Variants in TSEN54 observed in about 807,000 individuals in gnomAD.
The protein encoded by TSEN54 is tRNA-splicing endonuclease subunit Sen54.
TSEN54 carries 55 observed loss-of-function variants against 61.9 expected under a neutral mutation model. That is an observed-to-expected ratio of 0.89 (90% CI 0.72 to 1.11). The LOEUF (loss-of-function observed/expected upper bound fraction) is 1.11, where lower values mean the gene tolerates loss of function less well. Among genes scored for constraint, TSEN54 ranks in the 50% most tolerant of loss-of-function variants. The pLI is 0.00. For synonymous variants in TSEN54, 304 were observed against 288.7 expected (o/e 1.05, Z -0.54); for missense variants, 760 against 687.7 (o/e 1.11, Z -1.18).
chr17:75,519,937 G>A (rs920507573), intron 6 of TSEN54, among the ~76,000 whole-genome samples: 1 of 152,190 alleles, frequency 6.6e-6, no homozygotes, highest in Non-Finnish European at 1.5e-5. Flanking sequence ...GTGTACAGTG[G>A]TTCACCTGTG....
At chr17:75,518,157 G>T (rs2053393078) in intron 5 of TSEN54, among the ~76,000 whole-genome samples, 1 of 152,202 alleles carries the variant, frequency 6.6e-6, no homozygotes, top group African/African-American at 2.4e-5. Flanking sequence ...AACTGTGTCA[G>T]ATAAGTTAAT....
At chr17:75,521,290 G>C in intron 6 of TSEN54, 119 bp from the exon 7 acceptor site, 1 of 843,642 alleles carries the variant, frequency 1.2e-6, no homozygotes, top group Non-Finnish European at 2.0e-6. Context: ...CTTAGCACTT[G>C]GGTGTGGCTC....
In TSEN54 at chr17:75,518,434, C is replaced by T. The variant is rs914367887; in HGVS notation, c.469-561C>T. On this transcript the variant is annotated intron_variant, in intron 5 of 10. Coordinates refer to ENST00000333213, the MANE Select transcript of TSEN54 (RefSeq NM_207346.3). Reference sequence around the variant, plus strand: ...GGTGATGCAGGAGAAAAACCAAAGTCGCATCACAGAAGCCAAAAGAAGGTC... The same window carrying T: ...GGTGATGCAGGAGAAAAACCAAAGTTGCATCACAGAAGCCAAAAGAAGGTC... 1.1e-5 allele frequency: 8 copies of T among 750,734 alleles called. No homozygotes were observed. The South Asian group carries it at 2.4e-4, about 23-fold the overall frequency. The allele number at this position is 750,734 out of a possible 1,614,324, so 46.5% of individuals were successfully genotyped here.
chr17:75,521,866 G>T lies in TSEN54; in HGVS notation c.785G>T (p.Gly262Val). ...CCAGGGGGCCCCTTTCAGCTTCTGG[G>T]GTCCCTGGGCCCCAGCCCTGGCCCG... ...KGPGGPFQLL[G>V]SLGPSPGPAR... is the part of the protein sequence containing the mutation. The change falls in exon 8 of 11, where the codon GGG becomes GTG. Residue 262 changes from glycine (G) to valine (V), a missense_variant. Physicochemically the swap from Gly to Val is moderately radical, Grantham distance 109 (BLOSUM62 -3). Around this residue, in one of 3 missense-constraint regions of TSEN54, gnomAD observed 667 missense variants for 577.8 expected, o/e 1.15. Transcript: ENST00000333213. The T allele has an allele frequency of 6.2e-7, 1 of 1,611,450 alleles. No homozygotes were observed.
chr17:75,521,976 GAGC>G lies in TSEN54; in HGVS notation c.898_900del (p.Gln300del). 2 of 1,607,770 alleles carry G rather than the reference GAGC, an allele frequency of 1.2e-6. No homozygotes were observed. The highest frequency in any genetic ancestry group is 1.7e-6 in the Non-Finnish European group (2 of 1,178,000). On this transcript the variant is annotated inframe_deletion, in exon 8 of 11. Transcript: ENST00000333213. Reference sequence around the variant, plus strand: ...AGCCGGTAAGCGGCGCTGGAACTTCGAGCAGATCTCCTTCCCCAACATGGCTTC... The same window carrying G: ...AGCCGGTAAGCGGCGCTGGAACTTCGAGATCTCCTTCCCCAACATGGCTTC...
At chr17:75,517,723 A>C (rs991895207) in intron 5 of TSEN54, 68 bp downstream of exon 5, 3 of 1,350,602 alleles carry the variant, frequency 2.2e-6, no homozygotes, top group Non-Finnish European at 3.2e-6. Flanking sequence ...ACAAGTACCC[A>C]TAAGGTGCCA....
In TSEN54 at chr17:75,523,290, A is replaced by G. The variant is rs765433913; in HGVS notation, c.1268A>G (p.His423Arg). The G allele has an allele frequency of 1.8e-5, 29 of 1,614,038 alleles. No individual in the cohort carries two copies. The highest frequency in any genetic ancestry group is 3.3e-5 in the South Asian group (3 of 91,084). ...GTCCTTGTAGCCGTGGTCCTTCAGCATATCTCTGTGCTGCAGACAACACAC... is the reference window on the plus strand; with the variant it reads ...GTCCTTGTAGCCGTGGTCCTTCAGCGTATCTCTGTGCTGCAGACAACACAC... ...QASSPAVVLQ[H>R]ISVLQTTHLP... The change falls in exon 9 of 11, where the codon CAT becomes CGT. Residue 423 changes from histidine to arginine, a missense_variant. Around this residue, in one of 3 missense-constraint regions of TSEN54, gnomAD observed 667 missense variants for 577.8 expected, o/e 1.15. Coordinates refer to ENST00000333213, the MANE Select transcript of TSEN54 (RefSeq NM_207346.3).
Position 75,523,301 on chromosome 17 carries a change from C to T in TSEN54, c.1279C>T (p.Leu427=). The T allele has an allele frequency of 6.2e-7, 1 of 1,614,134 alleles. No individual in the cohort carries two copies. Residue 427 remains leucine, a synonymous_variant, in exon 9 of 11, where the codon CTG becomes TTG. Coordinates refer to ENST00000333213, the MANE Select transcript of TSEN54 (RefSeq NM_207346.3). ...PAVVLQHISV[L]QTTHLPDGGA... ...CGTGGTCCTTCAGCATATCTCTGTG[C>T]TGCAGACAACACACCTTCCTGATGG...
chr17:75,517,048 C>T lies in TSEN54; in HGVS notation c.261C>T (p.Gly87=), dbSNP rs1191819942. The T allele has an allele frequency of 2.5e-6, 4 of 1,596,938 alleles. No homozygotes were observed. In the African/African-American group the frequency reaches 4.0e-5, roughly 16 times the overall value. The change falls in exon 3 of 11, where the codon GGC becomes GGT. Residue 87 remains glycine, a synonymous_variant. Transcript: ENST00000333213. ...CTGCCGAGTGGAGGCCAGAAGAGGGCTTCGTGGAGTTGAAGTCTCCCGCGG... is the reference window on the plus strand; with the variant it reads ...CTGCCGAGTGGAGGCCAGAAGAGGGTTTCGTGGAGTTGAAGTCTCCCGCGG... The part of the protein sequence containing the change: ...LVAAEWRPEE[G]FVELKSPAGK...
Position 75,524,382 on chromosome 17 carries a change from CT to C in TSEN54, c.1553del (p.Phe518SerfsTer64). ...GDISFYSFRD[F>X]TLPQDVGH ...ACATCTCCTTCTACAGCTTCAGGGA[CT>C]TCACGTTGCCCCAGGATGTGGGGCA... On this transcript the variant is annotated frameshift_variant, in exon 11 of 11. Coordinates refer to ENST00000333213, the MANE Select transcript of TSEN54 (RefSeq NM_207346.3). LOFTEE classifies it high-confidence loss of function. 1.9e-6 allele frequency: 3 copies of C among 1,614,182 alleles called. No individual in the cohort carries two copies. The highest frequency in any genetic ancestry group is 2.5e-6 in the Non-Finnish European group (3 of 1,180,038).
In TSEN54 at chr17:75,517,015, C is replaced by G; in HGVS notation, c.228C>G (p.Ser76Arg). 6.3e-7 allele frequency: 1 copy of G among 1,587,508 alleles called. No individual in the cohort carries two copies. Among genetic ancestry groups the G allele is most frequent in the Non-Finnish European group, 8.6e-7 (1 of 1,167,600 alleles). The change falls in exon 3 of 11, where the codon AGC becomes AGG. Residue 76 changes from serine to arginine, a missense_variant. This residue lies in a region of TSEN54 where 667 missense variants were observed against 577.8 expected (regional missense o/e 1.15). Coordinates refer to ENST00000333213, the MANE Select transcript of TSEN54 (RefSeq NM_207346.3). ...LAEQRVERLG[S>R]LVAAEWRPEE... ...CCTCCCCACTCCTCGCCAGGGGCAGCTTGGTGGCTGCCGAGTGGAGGCCAG... is the reference window on the plus strand; with the variant it reads ...CCTCCCCACTCCTCGCCAGGGGCAGGTTGGTGGCTGCCGAGTGGAGGCCAG...
intron 4 of TSEN54, 83 bp downstream of exon 4, chr17:75,517,327 AC>A: frequency 6.8e-7 from 1 of 1,476,202 alleles, no homozygotes. Flanking sequence ...AGCACACACA[AC>A]CCGGTCTTTA....
intron 5 of TSEN54, 113 bp downstream of exon 5, chr17:75,517,768 C>A: frequency 1.1e-6 from 1 of 933,052 alleles, no homozygotes; most frequent in Non-Finnish European, 1.7e-6. Context: ...GCAGGGCAGA[C>A]GAGGGCTATG....
chr17:75,516,664 G>A, intron 1 of TSEN54, 48 bp downstream of exon 1: 1 of 1,258,612 alleles, frequency 7.9e-7, no homozygotes, highest in Non-Finnish European at 1.0e-6. Flanking sequence ...CGGGGCCAGC[G>A]CGGGTAGGGA....
At chr17:75,519,932 C>T (rs1036390451) in intron 6 of TSEN54, among the ~76,000 whole-genome samples, 2 of 152,140 alleles carry the variant, frequency 1.3e-5, no homozygotes, top group African/African-American at 4.8e-5. Flanking sequence ...TGGACGTGTA[C>T]AGTGGTTCAC....
chr17:75,519,516 A>G (rs553835364), intron 6 of TSEN54, among the ~76,000 whole-genome samples: 58 of 152,352 alleles, frequency 3.8e-4, no homozygotes, highest in Non-Finnish European at 7.8e-4. Flanking sequence ...GGAAACGGGT[A>G]CAGCTTTTGC....
At chr17:75,521,559 C>A in intron 7 of TSEN54, 49 bp downstream of exon 7, 1 of 1,595,054 alleles carries the variant, frequency 6.3e-7, no homozygotes. Context: ...GTGTCTGGGA[C>A]CTTGGAAAAT....
chr17:75,517,353 A>T lies in TSEN54; in HGVS notation c.369+109A>T, dbSNP rs6501819. The T allele has an allele frequency of 2.2e-6, 3 of 1,347,346 alleles. No homozygotes were observed. In the Admixed American group the frequency reaches 5.8e-5, roughly 26 times the overall value. 83.5% of individuals were successfully genotyped at this position (1,347,346 alleles called of 1,614,324 possible). A position where few individuals can be genotyped will look rare whatever the true frequency, so the allele number is the denominator to read the frequency against. On this transcript the variant is annotated intron_variant, in intron 4 of 10. Coordinates refer to ENST00000333213, the MANE Select transcript of TSEN54 (RefSeq NM_207346.3). ...CCCGGTCTTTAGAGAACTGATAACC[A>T]AACTTCTAAAGCAGGAGGTGGTACG... is the stretch of plus-strand genomic sequence containing the variant.
rs1247706675 is a variant in TSEN54 at position 75,523,809 on chromosome 17, C to A, written c.1430+30C>A. Reference sequence around the variant, plus strand: ...GCAGTGAGCCAGCACTGCCCCTCCCCCAGCTGCTGCCAGTTCTCCTGTGAA... The same window carrying A: ...GCAGTGAGCCAGCACTGCCCCTCCCACAGCTGCTGCCAGTTCTCCTGTGAA... On this transcript the variant is annotated intron_variant, in intron 10 of 10. Transcript: ENST00000333213. The A allele has an allele frequency of 1.9e-6, 3 of 1,607,002 alleles. No individual in the cohort carries two copies. In the East Asian group the frequency reaches 6.7e-5, roughly 36 times the overall value.
Sources: allele counts gnomAD v4.1 joint callset (sites outside exome capture counted in the v4.1 genomes callset), GRCh38; gene constraint gnomAD v4.1.1; regional missense constraint gnomAD v4.1.1; transcripts MANE v1.5; gene names NCBI Gene and HGNC (gene_info 2026-07-23, HGNC 2026-07-21).